Variants in ADAMTSL1 observed in about 807,000 individuals in gnomAD.
ADAMTSL1 encodes the protein ADAMTS like 1, also known as ADAMTS-like protein 1.
In ADAMTSL1, 126 loss-of-function variants were observed where a neutral mutation model predicts 201.8. The observed-to-expected ratio is 0.62, with a 90% CI of 0.54 to 0.72. The LOEUF (loss-of-function observed/expected upper bound fraction) is 0.72, where lower values mean the gene tolerates loss of function less well. Among genes scored for constraint, ADAMTSL1 ranks in the 30% least tolerant of loss-of-function variants. The probability of loss-of-function intolerance (pLI) is 0.00; values close to 1 mark genes in which losing one functional copy is unlikely to be tolerated. For missense variants in ADAMTSL1, 2,679 were observed against 2,277.8 expected, an observed-to-expected ratio of 1.18 and a Z score of -3.59; for synonymous variants, 1,121 against 903.4, an observed-to-expected ratio of 1.24 and a Z score of -4.32.
intron 2 of ADAMTSL1, among the ~76,000 whole-genome samples, chr9:18,515,804 T>C (rs1818332453): frequency 1.3e-5 from 2 of 152,206 alleles, no homozygotes; most frequent in Admixed American, 1.3e-4. Flanking sequence ...CTAGTATTAG[T>C]CATCATCAGC....
At chr9:18,498,486 G>C (rs975850492) in intron 1 of ADAMTSL1, among the ~76,000 whole-genome samples, 1 of 151,986 alleles carries the variant, frequency 6.6e-6, no homozygotes, top group Non-Finnish European at 1.5e-5. Context: ...ACAGGCAAGC[G>C]TCACCATGCC....
At chr9:18,803,224 T>C (rs1019939806) in intron 20 of ADAMTSL1, among the ~76,000 whole-genome samples, 1 of 152,240 alleles carries the variant, frequency 6.6e-6, no homozygotes. Flanking sequence ...ATTTGAGTTG[T>C]TGGCAGAATT....
intron 2 of ADAMTSL1, among the ~76,000 whole-genome samples, chr9:18,208,193 T>C (rs903996771): frequency 1.3e-5 from 2 of 152,120 alleles, no homozygotes; most frequent in African/African-American, 4.8e-5. Flanking sequence ...TTACAATAAA[T>C]AAAAATAGAA....
chr9:18,830,540 G>C (rs993614613), intron 23 of ADAMTSL1, among the ~76,000 whole-genome samples: 2 of 152,190 alleles, frequency 1.3e-5, no homozygotes, highest in Non-Finnish European at 2.9e-5. Context: ...CTGTCATCTA[G>C]TGTTGGAAAC....
chr9:18,578,188 T>A (rs1488367532), intron 4 of ADAMTSL1, among the ~76,000 whole-genome samples: 1 of 152,200 alleles, frequency 6.6e-6, no homozygotes, highest in East Asian at 1.9e-4. Context: ...TTATGCTCCT[T>A]ACATTATTTC....
chr9:18,503,257 G>T (rs1822935209), intron 1 of ADAMTSL1, among the ~76,000 whole-genome samples: 1 of 151,342 alleles, frequency 6.6e-6, no homozygotes, highest in African/African-American at 2.4e-5. Context: ...ACATTTCTGT[G>T]TCTATGAATT....
intron 2 of ADAMTSL1, among the ~76,000 whole-genome samples, chr9:18,466,432 A>G (rs904345357): frequency 6.6e-6 from 1 of 152,206 alleles, no homozygotes; most frequent in Non-Finnish European, 1.5e-5. Context: ...AAGGCTCACC[A>G]TAATTTCAAG....
intron 2 of ADAMTSL1, among the ~76,000 whole-genome samples, chr9:18,403,382 C>G (rs1412465505): frequency 1.3e-5 from 2 of 151,962 alleles, no homozygotes; most frequent in Non-Finnish European, 2.9e-5. Flanking sequence ...GGGGGCTTCA[C>G]CATATTGGCC....
chr9:18,242,441 G>C (rs945551475), intron 2 of ADAMTSL1, among the ~76,000 whole-genome samples: 1 of 152,086 alleles, frequency 6.6e-6, no homozygotes, highest in African/African-American at 2.4e-5. Flanking sequence ...TTTTCATTAA[G>C]ATCCAGTATG....
At chr9:18,630,973 C>T (rs1826729091) in intron 5 of ADAMTSL1, among the ~76,000 whole-genome samples, 2 of 152,120 alleles carry the variant, frequency 1.3e-5, no homozygotes, top group South Asian at 2.1e-4. Flanking sequence ...GGCTGACACT[C>T]ATTTTGTGAG....
chr9:18,611,090 A>G (rs1825333014), intron 4 of ADAMTSL1, among the ~76,000 whole-genome samples: 7 of 152,182 alleles, frequency 4.6e-5, no homozygotes, highest in Admixed American at 4.6e-4. Flanking sequence ...CTTCTCAACA[A>G]AGGACTCTTG....
chr9:18,127,910 G>A (rs1825804688), intron 1 of ADAMTSL1, among the ~76,000 whole-genome samples: 1 of 152,140 alleles, frequency 6.6e-6, no homozygotes, highest in African/African-American at 2.4e-5. Flanking sequence ...TGCTTAATGT[G>A]GCATGTAGCA....
At chr9:18,127,481 A>AACACACACACACACACACAC (rs112886805) in intron 1 of ADAMTSL1, among the ~76,000 whole-genome samples, 3 of 146,140 alleles carry the variant, frequency 2.1e-5, no homozygotes, top group African/African-American at 7.8e-5. Flanking sequence ...GCACATACAC[A>AACACACACACACACACACAC]ACACACACAC....
chr9:18,627,446 C>A lies in ADAMTSL1; in HGVS notation c.601+5077C>A, dbSNP rs576077095. The stretch of plus-strand genomic sequence containing the variant: ...ACAGACTAAGTGATTTAAAGCAACA[C>A]AAATTTATTATTTTATGGTTCTGGG... On this transcript the variant is annotated intron_variant, in intron 5 of 28. Coordinates refer to ENST00000380548, the MANE Select transcript of ADAMTSL1 (RefSeq NM_001040272.6). Among the ~76,000 whole-genome samples the A allele has an allele frequency of 1.2e-3, 179 of 152,282 alleles. 2 individuals are homozygous for A. The highest frequency in any genetic ancestry group is 3.4e-3 in the Middle Eastern group (1 of 294).
At chr9:18,853,057 G>A (rs1418181406) in intron 23 of ADAMTSL1, among the ~76,000 whole-genome samples, 1 of 152,192 alleles carries the variant, frequency 6.6e-6, no homozygotes, top group African/African-American at 2.4e-5. Flanking sequence ...TAAGGAACCT[G>A]GAGGTTGGGG....
chr9:18,906,005 G>C (rs1817345534), intron 27 of ADAMTSL1, 114 bp downstream of exon 27: 2 of 933,950 alleles, frequency 2.1e-6, no homozygotes, highest in Admixed American at 4.5e-5. Context: ...AGCCCTGCCT[G>C]GGACTCCATC....
At chr9:18,523,972 T>G (rs1488779775) in intron 2 of ADAMTSL1, among the ~76,000 whole-genome samples, 6 of 144,650 alleles carry the variant, frequency 4.1e-5, no homozygotes, top group Admixed American at 2.1e-4. Context: ...TTTCCAATTC[T>G]GTGAAGAAAG....
intron 3 of ADAMTSL1, among the ~76,000 whole-genome samples, chr9:18,539,393 T>C (rs545183576): frequency 6.6e-6 from 1 of 152,334 alleles, no homozygotes; most frequent in Admixed American, 6.5e-5. Context: ...TGCTAAGTCA[T>C]GGAAGGACCA....
At chr9:18,037,951 G>T (rs1360234) in intron 1 of ADAMTSL1, among the ~76,000 whole-genome samples, 5 of 151,736 alleles carry the variant, frequency 3.3e-5, no homozygotes, top group Non-Finnish European at 5.9e-5. Context: ...GTCTGGTCTG[G>T]TCTGGCATAT....
Sources: gnomAD v4.1 joint callset for allele counts (sites outside exome capture counted in the v4.1 genomes callset) on GRCh38, gnomAD v4.1.1 for gene constraint, MANE v1.5 for transcripts, NCBI Gene and HGNC (gene_info 2026-07-23, HGNC 2026-07-21) for gene names.